The following MOSMO variants were observed in gnomAD, a reference collection of about 807,000 sequenced individuals.
The protein encoded by MOSMO is modulator of smoothened, also known as modulator of smoothened protein.
A neutral mutation model predicts 18.4 loss-of-function variants in MOSMO; 5 were observed. That is an observed-to-expected ratio of 0.27 (90% CI 0.14 to 0.57). The LOEUF (loss-of-function observed/expected upper bound fraction) is 0.57, where lower values mean the gene tolerates loss of function less well. Among genes scored for constraint, MOSMO ranks in the 20% least tolerant of loss-of-function variants. The probability of loss-of-function intolerance (pLI) is 0.92; values close to 1 mark genes in which losing one functional copy is unlikely to be tolerated. For synonymous variants in MOSMO, 82 were observed against 82.3 expected, an observed-to-expected ratio of 1.00 and a Z score of 0.02; for missense variants, 138 against 211.8, an observed-to-expected ratio of 0.65 and a Z score of 2.16.
At chr16:22,073,300 G>T (rs1174943320) in intron 1 of MOSMO, among the ~76,000 whole-genome samples, 1 of 152,190 alleles carries the variant, frequency 6.6e-6, no homozygotes, top group African/African-American at 2.4e-5. Context: ...GACTTTGTAT[G>T]TTAAATTGAG....
chr16:22,073,364 T>C (rs1287027564), intron 1 of MOSMO, among the ~76,000 whole-genome samples: 1 of 152,188 alleles, frequency 6.6e-6, no homozygotes, highest in African/African-American at 2.4e-5. Context: ...AGAGGGTCTT[T>C]CATTGCCAGC....
At chr16:22,034,211 T>C (rs999809975) in intron 1 of MOSMO, among the ~76,000 whole-genome samples, 1 of 152,234 alleles carries the variant, frequency 6.6e-6, no homozygotes, top group Non-Finnish European at 1.5e-5. Flanking sequence ...CACTGACACA[T>C]TGTTGCTATT....
chr16:22,049,915 G>A (rs182706049), intron 1 of MOSMO, among the ~76,000 whole-genome samples: 7 of 152,140 alleles, frequency 4.6e-5, no homozygotes, highest in African/African-American at 1.4e-4. Context: ...GTTTGATTCC[G>A]TATTGTTGAT....
chr16:22,072,140 G>C (rs7189955), intron 1 of MOSMO, among the ~76,000 whole-genome samples: 6,075 of 152,188 alleles, frequency 0.04, 339 homozygotes, highest in African/African-American at 0.13. Flanking sequence ...GAATTTAGAA[G>C]AAGTAAAAGA....
chr16:22,038,060 A>C (rs1202076879), intron 1 of MOSMO, among the ~76,000 whole-genome samples: 1 of 152,182 alleles, frequency 6.6e-6, no homozygotes, highest in East Asian at 1.9e-4. Context: ...CTGAAGCTAC[A>C]TAGGGGCTGC....
At chr16:22,040,430 GA>G (rs1900188526) in intron 1 of MOSMO, among the ~76,000 whole-genome samples, 1 of 152,114 alleles carries the variant, frequency 6.6e-6, no homozygotes, top group Non-Finnish European at 1.5e-5. Flanking sequence ...AAATTACAAA[GA>G]AGGATGATTT....
chr16:22,072,479 G>A (rs1227665219), intron 1 of MOSMO, among the ~76,000 whole-genome samples: 1 of 152,168 alleles, frequency 6.6e-6, no homozygotes, highest in Non-Finnish European at 1.5e-5. Flanking sequence ...TTGAATCTCT[G>A]ACTGCTACTA....
chr16:22,055,174 C>T (rs1900507964), intron 1 of MOSMO, among the ~76,000 whole-genome samples: 1 of 152,198 alleles, frequency 6.6e-6, no homozygotes, highest in African/African-American at 2.4e-5. Flanking sequence ...CCAACGGCCA[C>T]TGCAAGGATT....
intron 1 of MOSMO, among the ~76,000 whole-genome samples, chr16:22,033,383 G>C (rs910577569): frequency 6.6e-6 from 1 of 151,928 alleles, no homozygotes; most frequent in Non-Finnish European, 1.5e-5. Context: ...TACAAGTCTT[G>C]TACTTTTTTT....
intron 2 of MOSMO, among the ~76,000 whole-genome samples, chr16:22,079,746 T>G (rs767113907): frequency 3.9e-5 from 6 of 152,190 alleles, no homozygotes; most frequent in Non-Finnish European, 5.9e-5. Context: ...CCCAGAGATC[T>G]GAGGTTATTT....
intron 1 of MOSMO, among the ~76,000 whole-genome samples, chr16:22,043,102 C>T (rs1335066946): frequency 6.6e-6 from 1 of 152,156 alleles, no homozygotes; most frequent in African/African-American, 2.4e-5. Context: ...CAACTTCTTA[C>T]CCTGTAAAGA....
intron 1 of MOSMO, 88 bp downstream of exon 1, chr16:22,008,495 G>T: frequency 1.1e-6 from 1 of 936,804 alleles, no homozygotes; most frequent in Non-Finnish European, 1.6e-6. Flanking sequence ...AGGACGGGGT[G>T]GAGGGTCCCG....
chr16:22,085,605 A>G (rs538548620), downstream of MOSMO: 4 of 152,278 alleles, frequency 2.6e-5, no homozygotes, highest in South Asian at 8.3e-4. Flanking sequence ...GTTCAAAAAT[A>G]CTTTATTTTG....
At chr16:22,090,649 GAC>G (rs1185257042), downstream of MOSMO, among the ~76,000 whole-genome samples, 1 of 152,150 alleles carries the variant, frequency 6.6e-6, no homozygotes, top group African/African-American at 2.4e-5. Flanking sequence ...TCCTGGATGG[GAC>G]CACGCTAGAG....
chr16:22,012,865 G>A (rs1215910120), intron 1 of MOSMO, among the ~76,000 whole-genome samples: 1 of 151,946 alleles, frequency 6.6e-6, no homozygotes, highest in Non-Finnish European at 1.5e-5. Flanking sequence ...TAGATACAGA[G>A]AAAGTACATC....
intron 1 of MOSMO, among the ~76,000 whole-genome samples, chr16:22,054,001 C>T (rs1224160594): frequency 3.3e-5 from 5 of 152,066 alleles, no homozygotes; most frequent in Non-Finnish European, 5.9e-5. Context: ...TTATCATTTG[C>T]GAGAGACAGC....
chr16:22,068,795 T>G (rs1211101481), intron 1 of MOSMO, among the ~76,000 whole-genome samples: 1 of 152,244 alleles, frequency 6.6e-6, no homozygotes. Flanking sequence ...TTCTACTTTT[T>G]GGCTATTATG....
In MOSMO at chr16:22,025,143, ACT is replaced by A. The variant is rs987606086; in HGVS notation, c.106+16739_106+16740del. On this transcript the variant is annotated intron_variant, in intron 1 of 2. Coordinates refer to ENST00000542527, the MANE Select transcript of MOSMO (RefSeq NM_001164579.2). ...ACTCCAGCCTGGGCAATGGAACAAGACTCTGTCTAAAAAAAAAAAAAAAATTC... is the reference window on the plus strand; with the variant it reads ...ACTCCAGCCTGGGCAATGGAACAAGACTGTCTAAAAAAAAAAAAAAAATTC... Among the ~76,000 whole-genome samples, 3 of 150,310 alleles carry A rather than the reference ACT, an allele frequency of 2.0e-5. No homozygotes were observed. The Admixed American group carries it at 2.0e-4, about 10-fold the overall frequency.
the MOSMO span, chr16:22,092,547 C>T: frequency 2.7e-6 from 4 of 1,509,034 alleles, no homozygotes; most frequent in African/African-American, 1.4e-5. Context: ...TGCTGAGTTG[C>T]TTGGAGGAGC....
Sources: allele counts gnomAD v4.1 joint callset (sites outside exome capture counted in the v4.1 genomes callset), GRCh38; gene constraint gnomAD v4.1.1; transcripts MANE v1.5; gene names NCBI Gene and HGNC (gene_info 2026-07-23, HGNC 2026-07-21).